PDZD2: variants seen among roughly 807,000 people sequenced by gnomAD.
PDZD2 encodes PDZ domain-containing protein 2.
Under a neutral mutation model 220.7 loss-of-function variants are expected in PDZD2, and 90 were observed. The observed-to-expected ratio is 0.41, with a 90% CI of 0.34 to 0.49. The LOEUF (loss-of-function observed/expected upper bound fraction) is 0.49, where lower values mean the gene tolerates loss of function less well. Among genes scored for constraint, PDZD2 ranks in the 20% least tolerant of loss-of-function variants. PDZD2 has a pLI of 0.28. For missense variants in PDZD2, 3,174 were observed against 3,608.5 expected (o/e 0.88, Z 3.08); for synonymous variants, 1,375 against 1,450.5 (o/e 0.95, Z 1.18).
chr5:31,884,988 G>A (rs1740317328), intron 2 of PDZD2, among the ~76,000 whole-genome samples: 1 of 151,926 alleles, frequency 6.6e-6, no homozygotes, highest in African/African-American at 2.4e-5. Context: ...TTTGTGGGAC[G>A]ATGCCATAAG....
At chr5:31,960,411 A>C (rs1181076378) in intron 2 of PDZD2, among the ~76,000 whole-genome samples, 1 of 152,036 alleles carries the variant, frequency 6.6e-6, no homozygotes, top group African/African-American at 2.4e-5. Context: ...CAGTAGACAC[A>C]GTTGGTCAGG....
At chr5:31,769,740 G>A (rs1359241937) in intron 1 of PDZD2, among the ~76,000 whole-genome samples, 4 of 152,192 alleles carry the variant, frequency 2.6e-5, no homozygotes, top group Admixed American at 6.5e-5. Flanking sequence ...GTTCCAGGCC[G>A]AGGCCACAGA....
chr5:31,672,790 G>A (rs1370346489), intron 1 of PDZD2, among the ~76,000 whole-genome samples: 2 of 152,170 alleles, frequency 1.3e-5, no homozygotes, highest in South Asian at 2.1e-4. Context: ...TGAGCAGGTG[G>A]TTCTCAGAGA....
At chr5:31,914,972 G>A (rs1308469781) in intron 2 of PDZD2, among the ~76,000 whole-genome samples, 1 of 152,218 alleles carries the variant, frequency 6.6e-6, no homozygotes, top group Admixed American at 6.5e-5. Context: ...AATGTAGGGG[G>A]TGGGGAAAGC....
chr5:31,804,757 G>A (rs1181693173), intron 2 of PDZD2, among the ~76,000 whole-genome samples: 1 of 152,094 alleles, frequency 6.6e-6, no homozygotes, highest in Non-Finnish European at 1.5e-5. Context: ...ATAATTTCAT[G>A]GATGGTTTAC....
At chr5:32,028,525 A>G (rs1754854356) in intron 6 of PDZD2, among the ~76,000 whole-genome samples, 2 of 152,192 alleles carry the variant, frequency 1.3e-5, no homozygotes, top group South Asian at 4.1e-4. Context: ...ATGCCCTTGT[A>G]GGTCATAATC....
chr5:32,021,735 C>G (rs563750877), intron 6 of PDZD2, among the ~76,000 whole-genome samples: 1 of 152,152 alleles, frequency 6.6e-6, no homozygotes, highest in Non-Finnish European at 1.5e-5. Flanking sequence ...CAGGTGTTTT[C>G]CAAAATTTGT....
At chr5:31,686,701 A>C (rs1746887616) in intron 1 of PDZD2, among the ~76,000 whole-genome samples, 1 of 152,230 alleles carries the variant, frequency 6.6e-6, no homozygotes, top group African/African-American at 2.4e-5. Context: ...TCCATATATC[A>C]AAGTTTTGAT....
chr5:31,919,851 A>G (rs1744047584), intron 2 of PDZD2, among the ~76,000 whole-genome samples: 1 of 65,260 alleles, frequency 1.5e-5, no homozygotes, highest in Non-Finnish European at 2.7e-5. Flanking sequence ...CCTGTCTCTA[A>G]AAAACAATTT....
intron 2 of PDZD2, among the ~76,000 whole-genome samples, chr5:31,976,709 TCTTTC>T (rs1441963778): frequency 1.9e-5 from 2 of 106,854 alleles, no homozygotes; most frequent in Admixed American, 1.1e-4. Flanking sequence ...CTTTTTTTCT[TCTTTC>T]TTTTTTTTTT....
At position 31,913,481 on chromosome 5, in the gene PDZD2, G is replaced by A. The variant is rs145743556; in HGVS notation, c.477-69674G>A. Among the ~76,000 whole-genome samples, 541 of 152,182 alleles carry A rather than the reference G, an allele frequency of 3.6e-3. 3 individuals are homozygous for A. Among genetic ancestry groups the A allele is most frequent in the Non-Finnish European group, 6.5e-3 (444 of 68,020 alleles). On this transcript the variant is annotated intron_variant, in intron 2 of 24. Transcript: ENST00000438447. Reference sequence around the variant, plus strand: ...TCTAGTTTGTACAATTGAAAAATACGAAGGCTAAGACCCTAAGAGTTACTA... The same window carrying A: ...TCTAGTTTGTACAATTGAAAAATACAAAGGCTAAGACCCTAAGAGTTACTA...
At position 31,967,884 on chromosome 5, in the gene PDZD2, A is replaced by C. The variant is rs139658884; in HGVS notation, c.477-15271A>C. 1.5e-4 allele frequency among the ~76,000 whole-genome samples: 23 copies of C among 152,360 alleles called. No individual in the cohort carries two copies. The East Asian group carries it at 4.4e-3, about 29-fold the overall frequency. On this transcript the variant is annotated intron_variant, in intron 2 of 24. Transcript: ENST00000438447. Reference sequence around the variant, plus strand: ...GGGAGGTTTGGAAGCTTATTAGCACATGAGCTGGGCCAAGAAAGTAGAGAG... The same window carrying C: ...GGGAGGTTTGGAAGCTTATTAGCACCTGAGCTGGGCCAAGAAAGTAGAGAG...
chr5:32,085,068 C>A (rs926300835), intron 19 of PDZD2, among the ~76,000 whole-genome samples: 1 of 149,784 alleles, frequency 6.7e-6, no homozygotes, highest in Non-Finnish European at 1.5e-5. Context: ...GAATCTCGTG[C>A]CTCAGCCTCC....
chr5:31,647,576 G>A (rs1407163641), intron 1 of PDZD2, among the ~76,000 whole-genome samples: 2 of 152,148 alleles, frequency 1.3e-5, no homozygotes, highest in African/African-American at 2.4e-5. Flanking sequence ...TTGTCTTCAC[G>A]TTGCTTTGTC....
Position 31,995,723 on chromosome 5 carries a change from C to G in PDZD2, c.1121+5C>G. On this transcript the variant is annotated splice_donor_5th_base_variant and intron_variant, in intron 4 of 24. Transcript: ENST00000438447. ...GGAAGGAGGTGCCGCTCACAGGTGA[C>G]TAGATAACTCTCCCCTCTCCCCCAT... 1 of 1,612,692 alleles carries G rather than the reference C, an allele frequency of 6.2e-7. No homozygotes were observed.
Position 32,000,263 on chromosome 5 carries a change from G to T in PDZD2, c.1246G>T (p.Ala416Ser). The T allele has an allele frequency of 6.2e-7, 1 of 1,614,198 alleles. No individual in the cohort carries two copies. Among genetic ancestry groups the T allele is most frequent in the Non-Finnish European group, 8.5e-7 (1 of 1,180,032 alleles). Residue 416 changes from alanine (A) to serine (S), a missense_variant, in exon 5 of 25, where the codon GCC becomes TCC. Ala to Ser is a moderately conservative substitution (Grantham distance 99). Coordinates refer to ENST00000438447, the MANE Select transcript of PDZD2 (RefSeq NM_178140.4). This position sits in a 1 kb window ranked among gnomAD's most constrained non-coding sequence, Gnocchi z 4.5. ...SATGMVQLVVASKENSAEDLL... is the reference protein window; with the variant it reads ...SATGMVQLVVSSKENSAEDLL... The stretch of plus-strand genomic sequence containing the variant: ...CACGGGAATGGTGCAGCTTGTGGTG[G>T]CCAGCAAGGTAGGTCGTGTTTGTTT...
intron 2 of PDZD2, among the ~76,000 whole-genome samples, chr5:31,896,356 G>A (rs868117782): frequency 6.9e-6 from 1 of 145,690 alleles, no homozygotes; most frequent in African/African-American, 2.7e-5. Context: ...GTGTGTGTGT[G>A]TGTGTGTGTG....
intron 2 of PDZD2, among the ~76,000 whole-genome samples, chr5:31,819,656 CAAAAAAA>C (rs3032832): frequency 9.0e-6 from 1 of 110,500 alleles, no homozygotes; most frequent in South Asian, 3.4e-4. Context: ...GACTCTGTCT[CAAAAAAA>C]AAAAAAAAAA....
chr5:31,653,233 C>T (rs1313048657), intron 1 of PDZD2, among the ~76,000 whole-genome samples: 1 of 152,088 alleles, frequency 6.6e-6, no homozygotes, highest in East Asian at 1.9e-4. Context: ...GTTCTTTTAT[C>T]AGTTGATATC....
Sources: allele counts gnomAD v4.1 joint callset (sites outside exome capture counted in the v4.1 genomes callset), GRCh38; gene constraint gnomAD v4.1.1; non-coding constraint Gnocchi (gnomAD v3.1); transcripts MANE v1.5; gene names NCBI Gene and HGNC (gene_info 2026-07-23, HGNC 2026-07-21).